KIAA1549: variants seen among roughly 807,000 people sequenced by gnomAD.
KIAA1549 encodes KIAA1549.
A neutral mutation model predicts 156.4 loss-of-function variants in KIAA1549; 70 were observed. The observed-to-expected ratio is 0.45, with a 90% CI of 0.37 to 0.55. The LOEUF is 0.55. Among genes scored for constraint, KIAA1549 ranks in the 20% least tolerant of loss-of-function variants. The pLI is 0.00. For missense variants in KIAA1549, 2,428 were observed against 2,540.9 expected, an observed-to-expected ratio of 0.96 and a Z score of 0.96; for synonymous variants, 1,103 against 1,066.4, an observed-to-expected ratio of 1.03 and a Z score of -0.67.
At chr7:138,931,752 CAAAAAA>C (rs71169066) in intron 1 of KIAA1549, among the ~76,000 whole-genome samples, 5 of 101,382 alleles carry the variant, frequency 4.9e-5, no homozygotes, top group Non-Finnish European at 9.1e-5. Flanking sequence ...AGTCCCATCT[CAAAAAA>C]AAAAAAAAAA....
At chr7:138,942,437 G>C (rs1324786134) in intron 1 of KIAA1549, among the ~76,000 whole-genome samples, 2 of 151,410 alleles carry the variant, frequency 1.3e-5, no homozygotes, top group African/African-American at 4.9e-5. Context: ...CATGAGGCTA[G>C]CTCCTGCAAT....
chr7:138,943,646 G>A (rs778243222), intron 1 of KIAA1549, among the ~76,000 whole-genome samples: 5 of 152,066 alleles, frequency 3.3e-5, no homozygotes, highest in East Asian at 1.9e-4. Flanking sequence ...TCAGGAGATC[G>A]AGACCATCCT....
chr7:138,911,119 A>G, intron 4 of KIAA1549, 27 bp downstream of exon 4: 1 of 1,418,660 alleles, frequency 7.0e-7, no homozygotes, highest in South Asian at 1.5e-5. Context: ...TTTTACAAAT[A>G]AAAACAACTA....
At chr7:138,938,060 AG>A (rs1194287661) in intron 1 of KIAA1549, among the ~76,000 whole-genome samples, 1 of 152,152 alleles carries the variant, frequency 6.6e-6, no homozygotes, top group Non-Finnish European at 1.5e-5. Context: ...ATTAAGAGGT[AG>A]GGCCTTTGGA....
chr7:138,941,313 G>A (rs563509425), intron 1 of KIAA1549, among the ~76,000 whole-genome samples: 17 of 152,166 alleles, frequency 1.1e-4, no homozygotes, highest in Admixed American at 2.6e-4. Flanking sequence ...AAAGTTCACC[G>A]TTCCATAAAG....
rs4728454 is a variant in KIAA1549 at position 138,874,005 on chromosome 7, G to A, written c.4346-2643C>T. ...ATATTAGTATATATTTTTGTTTATA[G>A]AACTGTATATGTAATATATAATTAG... is the stretch of plus-strand genomic sequence containing the variant. On this transcript the variant is annotated intron_variant, in intron 12 of 19. Coordinates refer to ENST00000422774, the MANE Select transcript of KIAA1549 (RefSeq NM_001164665.2). Among the ~76,000 whole-genome samples, 612 of 147,192 alleles carry A rather than the reference G, an allele frequency of 4.2e-3. 2 individuals carry two copies. The highest frequency in any genetic ancestry group is 7.0e-3 in the Non-Finnish European group (472 of 67,114).
At position 138,918,294 on chromosome 7, in the gene KIAA1549, T is replaced by G. The variant is rs760226424; in HGVS notation, c.1332A>C (p.Ser444=). ...TGCACAGAGTCTCGGCACCATCCCC[T>G]GATCCCACGTCTTTCTCCATGAGGC... The part of the protein sequence containing the change: ...ATSLMEKDVG[S]GDGAETLCMT... Residue 444 remains serine (S), a synonymous_variant, in exon 2 of 20, where the codon TCA becomes TCC. Transcript: ENST00000422774. The surrounding 1 kb of genome is among the most constrained non-coding windows in gnomAD (Gnocchi z 4.2). 6.2e-7 allele frequency: 1 copy of G among 1,614,012 alleles called. No individual in the cohort carries two copies. The highest frequency in any genetic ancestry group is 2.2e-5 in the East Asian group (1 of 44,882).
rs560427577 is a variant in KIAA1549 at position 138,851,673 on chromosome 7, C to A, written c.5294+550G>T. On this transcript the variant is annotated intron_variant, in intron 17 of 19. Coordinates refer to ENST00000422774, the MANE Select transcript of KIAA1549 (RefSeq NM_001164665.2). ...TTCATTTGTTTCTGCCAGGGAGCAA[C>A]CCTAATCAACTTTCAAAGCTGAGCT... 3.0e-4 allele frequency among the ~76,000 whole-genome samples: 46 copies of A among 152,224 alleles called. No individual in the cohort carries two copies. The East Asian group carries it at 8.9e-3, about 29-fold the overall frequency.
At chr7:138,928,244 T>A (rs1490468352) in intron 1 of KIAA1549, among the ~76,000 whole-genome samples, 1 of 151,656 alleles carries the variant, frequency 6.6e-6, no homozygotes, top group Non-Finnish European at 1.5e-5. Flanking sequence ...TCAATCCTAC[T>A]GCCCATTTTT....
intron 1 of KIAA1549, among the ~76,000 whole-genome samples, chr7:138,935,695 G>A (rs530134667): frequency 2.0e-5 from 3 of 152,132 alleles, no homozygotes; most frequent in African/African-American, 7.2e-5. Flanking sequence ...CCACACCGAC[G>A]TCCAAGCTGC....
At chr7:138,936,179 T>TA (rs1358497720) in intron 1 of KIAA1549, among the ~76,000 whole-genome samples, 1 of 151,648 alleles carries the variant, frequency 6.6e-6, no homozygotes, top group Non-Finnish European at 1.5e-5. Context: ...TGCACTAAGG[T>TA]AAAAAAGATG....
chr7:138,930,040 C>T (rs929441818), intron 1 of KIAA1549, among the ~76,000 whole-genome samples: 2 of 152,186 alleles, frequency 1.3e-5, no homozygotes, highest in African/African-American at 4.8e-5. Context: ...CCATGGGTTG[C>T]AGAATGGATG....
intron 1 of KIAA1549, among the ~76,000 whole-genome samples, chr7:138,922,851 G>C (rs1563079617): frequency 6.6e-6 from 1 of 151,968 alleles, no homozygotes; most frequent in Non-Finnish European, 1.5e-5. Flanking sequence ...AAATGGAATA[G>C]GGTAGATACA....
intron 1 of KIAA1549, among the ~76,000 whole-genome samples, chr7:138,968,386 T>C (rs1814099198): frequency 6.6e-6 from 1 of 152,170 alleles, no homozygotes; most frequent in African/African-American, 2.4e-5. Flanking sequence ...AAACGTAACA[T>C]AAAATTTACC....
In KIAA1549 at chr7:138,832,190, C is replaced by CTTT. The variant is rs1563039449; in HGVS notation, c.*5715_*5716insAAA. On this transcript the variant is annotated 3_prime_UTR_variant, in exon 20 of 20. Transcript: ENST00000422774. ...TTCACCTCTGTCCCTTTTACCTATT[C>CTTT]CTTTTTTTTTTTTTTTTTTTTCCAG... The CTTT allele has an allele frequency of 3.4e-4, 58 of 169,980 alleles. 4 individuals carry two copies. The highest frequency in any genetic ancestry group is 4.8e-4 in the South Asian group (2 of 4,150). The allele number at this position is 169,980 out of a possible 1,614,324, so 10.5% of individuals were successfully genotyped here.
intron 1 of KIAA1549, among the ~76,000 whole-genome samples, chr7:138,933,630 T>C (rs1210547343): frequency 6.6e-6 from 1 of 152,242 alleles, no homozygotes; most frequent in Admixed American, 6.5e-5. Context: ...GAAGGGTATA[T>C]GGGAACTCTG....
chr7:138,915,755 A>T (rs1002726918), intron 2 of KIAA1549, among the ~76,000 whole-genome samples: 3 of 152,012 alleles, frequency 2.0e-5, no homozygotes, highest in Non-Finnish European at 4.4e-5. Flanking sequence ...CTCCTACCAA[A>T]ATCAAAACAG....
chr7:138,931,852 G>A (rs1812882784), intron 1 of KIAA1549, among the ~76,000 whole-genome samples: 1 of 151,928 alleles, frequency 6.6e-6, no homozygotes, highest in Non-Finnish European at 1.5e-5. Context: ...ATTTTAAGAT[G>A]GAAGATTTAA....
In KIAA1549 at chr7:138,868,103, G is replaced by A. The variant is rs748211482; in HGVS notation, c.4801C>T (p.Pro1601Ser). The change falls in exon 15 of 20, where the codon CCT becomes TCT. Residue 1601 changes from proline (P) to serine (S), a missense_variant. Pro to Ser is a moderately conservative substitution (Grantham distance 74). Coordinates refer to ENST00000422774, the MANE Select transcript of KIAA1549 (RefSeq NM_001164665.2). ...KSSRIKRSPK[P>S]RRKHQVNGCP... ...CCGTTGACCTGGTGTTTCCGGCGAG[G>A]CTTGGGAGAACGTTTTATCCGTGAG... The A allele has an allele frequency of 1.2e-6, 2 of 1,613,514 alleles. No homozygotes were observed. Among genetic ancestry groups the A allele is most frequent in the Non-Finnish European group, 1.7e-6 (2 of 1,179,806 alleles).
Sources: allele counts gnomAD v4.1 joint callset (sites outside exome capture counted in the v4.1 genomes callset), GRCh38; gene constraint gnomAD v4.1.1; non-coding constraint Gnocchi (gnomAD v3.1); transcripts MANE v1.5; gene names NCBI Gene and HGNC (gene_info 2026-07-23, HGNC 2026-07-21).